The following COX4I2 variants were observed in gnomAD, a reference collection of about 807,000 sequenced individuals.
COX4I2 encodes the protein cytochrome c oxidase subunit 4I2, also known as cytochrome c oxidase subunit 4 isoform 2, mitochondrial.
Under a neutral mutation model 20.8 loss-of-function variants are expected in COX4I2, and 15 were observed. The ratio of observed to expected loss-of-function variants is 0.72; its 90% confidence interval spans 0.48 to 1.11. COX4I2 has a LOEUF of 1.11. Among genes scored for constraint, COX4I2 ranks in the 50% most tolerant of loss-of-function variants. The pLI is 0.00. For missense variants in COX4I2, 224 were observed against 223.0 expected (o/e 1.00, Z -0.03); for synonymous variants, 80 against 78.1 (o/e 1.02, Z -0.13).
At chr20:31,643,299 G>T (rs2060478389) in intron 3 of COX4I2, 105 bp from the exon 4 acceptor site, 1 of 1,362,406 alleles carries the variant, frequency 7.3e-7, no homozygotes, top group East Asian at 2.3e-5. Context: ...TACGTGCTCA[G>T]TAAGAATTTG....
intron 2 of COX4I2, 41 bp from the exon 3 acceptor site, chr20:31,639,892 C>T (rs758661569): frequency 1.2e-6 from 2 of 1,612,450 alleles, no homozygotes. Flanking sequence ...TAGGGTGTCC[C>T]AAGGGCAGCC....
Position 31,639,115 on chromosome 20 carries a change from C to A in COX4I2, c.82+16C>A. 6.3e-7 allele frequency: 1 copy of A among 1,598,550 alleles called. No individual in the cohort carries two copies. Among genetic ancestry groups the A allele is most frequent in the South Asian group, 1.1e-5 (1 of 88,162 alleles). ...GAAGGCACCAGTGAGACCTGGACTC[C>A]TTCCTCCCTGCCTAACTCCAGAGAT... is the stretch of plus-strand genomic sequence containing the variant. On this transcript the variant is annotated intron_variant, in intron 2 of 4. Transcript: ENST00000376075.
At chr20:31,641,861 T>C (rs1205308717) in intron 3 of COX4I2, among the ~76,000 whole-genome samples, 8 of 131,514 alleles carry the variant, frequency 6.1e-5, no homozygotes, top group Non-Finnish European at 9.2e-5. Flanking sequence ...CCACCACACC[T>C]GGCTATTTTT....
At chr20:31,640,149 G>T in intron 3 of COX4I2, 52 bp downstream of exon 3, 1 of 1,545,362 alleles carries the variant, frequency 6.5e-7, no homozygotes. Flanking sequence ...GGCTGACTTT[G>T]GAAAGAATGG....
intron 4 of COX4I2, 134 bp from the exon 5 acceptor site, chr20:31,644,634 G>A (rs1453579893): frequency 2.0e-6 from 2 of 1,014,890 alleles, no homozygotes; most frequent in East Asian, 5.2e-5. Flanking sequence ...GCTCCTCAGT[G>A]CAAGATACTT....
intron 2 of COX4I2, 81 bp downstream of exon 2, chr20:31,639,180 T>C: frequency 6.5e-7 from 1 of 1,547,346 alleles, no homozygotes; most frequent in Non-Finnish European, 8.7e-7. Flanking sequence ...CCCTTTGCCC[T>C]TCCATGCCAC....
intron 1 of COX4I2, 41 bp from the exon 2 acceptor site, chr20:31,638,977 T>A (rs781667318): frequency 2.3e-5 from 36 of 1,569,588 alleles, no homozygotes; most frequent in Non-Finnish European, 3.0e-5. Flanking sequence ...GGGCAGAGGG[T>A]GATGTGGGGG....
In COX4I2 at chr20:31,643,493, A is replaced by T. The variant is rs558760323; in HGVS notation, c.337A>T (p.Ile113Phe). 2.5e-6 allele frequency: 4 copies of T among 1,613,970 alleles called. No homozygotes were observed. Among genetic ancestry groups the T allele is most frequent in the African/African-American group, 1.3e-5 (1 of 74,892 alleles). ...AGTGATGGGTTGTGTCTTCTTCTTC[A>T]TTGGATTCGCAGCTCTGGTGATTTG... ...KTVMGCVFFF[I>F]GFAALVIWWQ... Residue 113 changes from isoleucine (I) to phenylalanine (F), a missense_variant, in exon 4 of 5, where the codon ATT becomes TTT. Ile to Phe is a conservative substitution (Grantham distance 21). Transcript: ENST00000376075.
In COX4I2 at chr20:31,639,356, T is replaced by C. The variant is rs575582131; in HGVS notation, c.82+257T>C. Reference sequence around the variant, plus strand: ...CCAAGCCTCAGGCCCCTAGACCTTTTGTTCTGAGGTGGAGGATGCTGACAG... The same window carrying C: ...CCAAGCCTCAGGCCCCTAGACCTTTCGTTCTGAGGTGGAGGATGCTGACAG... On this transcript the variant is annotated intron_variant, in intron 2 of 4. Coordinates refer to ENST00000376075, the MANE Select transcript of COX4I2 (RefSeq NM_032609.3). 6 of 875,798 alleles carry C rather than the reference T, an allele frequency of 6.9e-6. No homozygotes were observed. The Admixed American group carries it at 3.7e-4, about 54-fold the overall frequency. The allele number at this position is 875,798 out of a possible 1,614,324, so 54.3% of individuals were successfully genotyped here.
Position 31,640,097 on chromosome 20 carries a change from TGTAA to T in COX4I2, c.247+3_247+6del. The T allele has an allele frequency of 6.2e-7, 1 of 1,607,286 alleles. No homozygotes were observed. Among genetic ancestry groups the T allele is most frequent in the Non-Finnish European group, 8.5e-7 (1 of 1,179,126 alleles). On this transcript the variant is annotated splice_donor_variant and splice_donor_region_variant and intron_variant, in intron 3 of 4. Coordinates refer to ENST00000376075, the MANE Select transcript of COX4I2 (RefSeq NM_032609.3). LOFTEE classifies it high-confidence loss of function. ...GCTGACCCACGCCGAAAAGGTGGCC[TGTAA>T]GTGTCAGGGTGGGGCTGGCTGGAGA...
intron 4 of COX4I2, among the ~76,000 whole-genome samples, chr20:31,643,983 G>GT (rs2060482428): frequency 6.6e-6 from 1 of 152,130 alleles, no homozygotes; most frequent in African/African-American, 2.4e-5. Context: ...GCTAATTTTT[G>GT]TATTTTTAGT....
intron 4 of COX4I2, 90 bp from the exon 5 acceptor site, chr20:31,644,678 G>A (rs1055591473): frequency 2.4e-5 from 35 of 1,477,526 alleles, no homozygotes; most frequent in Non-Finnish European, 3.1e-5. Context: ...TCAGCCTTGC[G>A]AGTGGCTGGG....
chr20:31,643,498 AT>A lies in COX4I2; in HGVS notation c.344del (p.Phe115SerfsTer5). On this transcript the variant is annotated frameshift_variant, in exon 4 of 5. Coordinates refer to ENST00000376075, the MANE Select transcript of COX4I2 (RefSeq NM_032609.3). LOFTEE classifies it high-confidence loss of function. ...TGGGTTGTGTCTTCTTCTTCATTGG[AT>A]TCGCAGCTCTGGTGATTTGGTGGCA... is the stretch of plus-strand genomic sequence containing the variant. ...VMGCVFFFIG[F>X]AALVIWWQRV... 1 of 1,614,130 alleles carries A rather than the reference AT, an allele frequency of 6.2e-7. No homozygotes were observed. Among genetic ancestry groups the A allele is most frequent in the Non-Finnish European group, 8.5e-7 (1 of 1,180,022 alleles).
intron 3 of COX4I2, 59 bp downstream of exon 3, chr20:31,640,156 A>G: frequency 6.5e-7 from 1 of 1,534,486 alleles, no homozygotes. Flanking sequence ...TTTGGAAAGA[A>G]TGGCCTGTCA....
chr20:31,644,745 T>C (rs1159390165), intron 4 of COX4I2, 23 bp from the exon 5 acceptor site: 1 of 1,613,634 alleles, frequency 6.2e-7, no homozygotes, highest in South Asian at 1.1e-5. Flanking sequence ...AGGATCCTGA[T>C]CCACCCCATG....
intron 3 of COX4I2, among the ~76,000 whole-genome samples, chr20:31,640,559 C>G (rs1259641983): frequency 2.0e-5 from 3 of 151,722 alleles, no homozygotes; most frequent in Non-Finnish European, 4.4e-5. Context: ...CTGTGGAGGG[C>G]CCTGGAATTG....
intron 2 of COX4I2, 39 bp downstream of exon 2, chr20:31,639,138 G>A (rs2060452275): frequency 6.3e-7 from 1 of 1,576,792 alleles, no homozygotes; most frequent in African/African-American, 1.3e-5. Context: ...TAACTCCAGA[G>A]ATAGGGGCAG....
At position 31,637,920 on chromosome 20, in the gene COX4I2, G is replaced by C. The variant is rs1053594731; in HGVS notation, c.-43G>C. The C allele has an allele frequency of 1.3e-5, 2 of 152,154 alleles. No individual in the cohort carries two copies. Among genetic ancestry groups the C allele is most frequent in the African/African-American group, 4.8e-5 (2 of 41,434 alleles). The allele number at this position is 152,154 out of a possible 1,614,324, so 9.4% of individuals were successfully genotyped here. A position where few individuals can be genotyped will look rare whatever the true frequency, so the allele number is the denominator to read the frequency against. On this transcript the variant is annotated 5_prime_UTR_variant, in exon 1 of 5. Coordinates refer to ENST00000376075, the MANE Select transcript of COX4I2 (RefSeq NM_032609.3). ...CTCCGCAGCGGGTTCTCAGTTGCTC[G>C]CTGGGCAGACCCAGGTCGCGCTCCC...
In COX4I2 at chr20:31,644,866, TC is replaced by T. The variant is rs755487991; in HGVS notation, c.481del (p.Arg161AlafsTer20). Reference sequence around the variant, plus strand: ...GGTGAATCCTGTGCAGGGCCTGGCCTCCCGCTGGGACTATGAGAAGAAGCAG... The same window carrying T: ...GGTGAATCCTGTGCAGGGCCTGGCCTCCGCTGGGACTATGAGAAGAAGCAG... ...MKVNPVQGLASRWDYEKKQWK... is the reference protein window; with the variant it reads ...MKVNPVQGLAXRWDYEKKQWK... On this transcript the variant is annotated frameshift_variant, in exon 5 of 5. Transcript: ENST00000376075. LOFTEE classifies it high-confidence loss of function. 169 of 1,613,902 alleles carry T rather than the reference TC, an allele frequency of 1.0e-4. No individual in the cohort carries two copies. Among genetic ancestry groups the T allele is most frequent in the Non-Finnish European group, 1.4e-4 (162 of 1,180,008 alleles).
Sources: allele counts gnomAD v4.1 joint callset (sites outside exome capture counted in the v4.1 genomes callset), GRCh38; gene constraint gnomAD v4.1.1; transcripts MANE v1.5; gene names NCBI Gene and HGNC (gene_info 2026-07-23, HGNC 2026-07-21).